PTPN18: variants seen among roughly 807,000 people sequenced by gnomAD.
PTPN18 encodes protein tyrosine phosphatase non-receptor type 18.
A neutral mutation model predicts 65.4 loss-of-function variants in PTPN18; 65 were observed. The observed-to-expected ratio is 0.99, with a 90% CI of 0.81 to 1.22. The LOEUF (loss-of-function observed/expected upper bound fraction) is 1.22, where lower values mean the gene tolerates loss of function less well. PTPN18 is among the 50% of genes most tolerant of loss of function. PTPN18 has a pLI of 0.00. For missense variants in PTPN18, 616 were observed against 646.5 expected, an observed-to-expected ratio of 0.95 and a Z score of 0.51; for synonymous variants, 255 against 267.8, an observed-to-expected ratio of 0.95 and a Z score of 0.47.
intron 5 of PTPN18, among the ~76,000 whole-genome samples, chr2:130,368,593 G>T (rs1371347212): frequency 6.6e-6 from 1 of 152,152 alleles, no homozygotes; most frequent in East Asian, 1.9e-4. Context: ...GTTTCATGTT[G>T]TATATATTCA....
intron 5 of PTPN18, among the ~76,000 whole-genome samples, chr2:130,365,061 G>GTGTA (rs1325635313): frequency 1.3e-5 from 2 of 152,172 alleles, no homozygotes; most frequent in African/African-American, 4.8e-5. Context: ...AAACATCATA[G>GTGTA]AGTATACTTA....
At chr2:130,361,522 CT>C (rs756429074) in intron 5 of PTPN18, among the ~76,000 whole-genome samples, 1 of 110,396 alleles carries the variant, frequency 9.1e-6, no homozygotes, top group East Asian at 3.0e-4. Context: ...CTCTTTCTTT[CT>C]TTCTTTCTTT....
chr2:130,372,633 G>C (rs1231284928), intron 13 of PTPN18, 150 bp downstream of exon 13: 1 of 1,128,334 alleles, frequency 8.9e-7, no homozygotes, highest in Non-Finnish European at 1.2e-6. Flanking sequence ...AGGCGTCCCT[G>C]GCCACGCCCC....
At position 130,373,282 on chromosome 2, in the gene PTPN18, T is replaced by C; in HGVS notation, c.*58T>C. 6.9e-7 allele frequency: 1 copy of C among 1,452,072 alleles called. No individual in the cohort carries two copies. Among genetic ancestry groups the C allele is most frequent in the Non-Finnish European group, 9.3e-7 (1 of 1,079,284 alleles). 89.9% of individuals were successfully genotyped at this position (1,452,072 alleles called of 1,614,324 possible). On this transcript the variant is annotated 3_prime_UTR_variant, in exon 15 of 15. Coordinates refer to ENST00000175756, the MANE Select transcript of PTPN18 (RefSeq NM_014369.4). This position sits in a 1 kb window ranked among gnomAD's most constrained non-coding sequence, Gnocchi z 4.1. ...TGAGCTCGGACTGCTGATGCCCCGGTGCTGCTGAGCGCCGTGCGCAGAATG... is the reference window on the plus strand; with the variant it reads ...TGAGCTCGGACTGCTGATGCCCCGGCGCTGCTGAGCGCCGTGCGCAGAATG...
rs541806470 is a variant in PTPN18, at chr2:130,356,075, C to T, written c.-33C>T. The T allele has an allele frequency of 3.8e-5, 46 of 1,214,188 alleles. No homozygotes were observed. The highest frequency in any genetic ancestry group is 1.7e-4 in the African/African-American group (11 of 63,354). 75.2% of individuals were successfully genotyped at this position (1,214,188 alleles called of 1,614,324 possible). On this transcript the variant is annotated 5_prime_UTR_variant, in exon 1 of 15. Coordinates refer to ENST00000175756, the MANE Select transcript of PTPN18 (RefSeq NM_014369.4). Reference sequence around the variant, plus strand: ...GCGTCCACACTCGCCGCGCGCGCGGCGGCCGGGCTGGACCTTGCTGGCCCG... The same window carrying T: ...GCGTCCACACTCGCCGCGCGCGCGGTGGCCGGGCTGGACCTTGCTGGCCCG...
intron 8 of PTPN18, 101 bp downstream of exon 8, chr2:130,370,291 T>C: frequency 6.6e-7 from 1 of 1,526,376 alleles, no homozygotes; most frequent in Non-Finnish European, 8.9e-7. Flanking sequence ...GAGTGCCTAT[T>C]TTGAGAACCC....
rs552883312 is a variant in PTPN18, at chr2:130,374,975, A to C, written c.*1751A>C. The C allele has an allele frequency of 1.9e-5, 5 of 266,644 alleles. No individual in the cohort carries two copies. Among genetic ancestry groups the C allele is most frequent in the African/African-American group, 1.1e-4 (5 of 45,350 alleles). 16.5% of individuals were successfully genotyped at this position (266,644 alleles called of 1,614,324 possible). A position where few individuals can be genotyped will look rare whatever the true frequency, so the allele number is the denominator to read the frequency against. ...AGGAGGCTTGGGTTTGGGTGCCCAC[A>C]GTGGGAGCTGGTGTGATATCATACC... On this transcript the variant is annotated 3_prime_UTR_variant, in exon 15 of 15. Coordinates refer to ENST00000175756, the MANE Select transcript of PTPN18 (RefSeq NM_014369.4).
intron 11 of PTPN18, 62 bp downstream of exon 11, chr2:130,371,026 G>C: frequency 6.4e-7 from 1 of 1,553,382 alleles, no homozygotes; most frequent in Non-Finnish European, 8.8e-7. Context: ...CCAGGACCCC[G>C]AGCAGGGTCC....
In PTPN18 at chr2:130,374,374, C is replaced by G; in HGVS notation, c.*1150C>G. ...TAAGAAATGAGTTTTTGCCATGTTG[C>G]CCAGACTGGTCTTGAACTCCCAACC... On this transcript the variant is annotated 3_prime_UTR_variant, in exon 15 of 15. Transcript: ENST00000175756. 1 of 263,712 alleles carries G rather than the reference C, an allele frequency of 3.8e-6. No homozygotes were observed. The highest frequency in any genetic ancestry group is 2.2e-5 in the African/African-American group (1 of 45,124). 16.3% of individuals were successfully genotyped at this position (263,712 alleles called of 1,614,324 possible).
rs1488385906 is a variant in PTPN18, at chr2:130,359,403, G to A, written c.286G>A (p.Asp96Asn). ...TGAATTCGGCCTTCACCAGGGCGTG[G>A]ATGGAAGCCTGGCCTACATTGCCAC... ...YINGNFIRGVDGSLAYIATQG... is the reference protein window; with the variant it reads ...YINGNFIRGVNGSLAYIATQG... The change falls in exon 4 of 15, where the codon GAT becomes AAT. Residue 96 changes from aspartate to asparagine, a missense_variant. Physicochemically the swap from Asp to Asn is conservative, Grantham distance 23. Coordinates refer to ENST00000175756, the MANE Select transcript of PTPN18 (RefSeq NM_014369.4). 6.2e-7 allele frequency: 1 copy of A among 1,614,062 alleles called. No individual in the cohort carries two copies. Among genetic ancestry groups the A allele is most frequent in the Non-Finnish European group, 8.5e-7 (1 of 1,180,032 alleles).
At chr2:130,369,055 T>C (rs1680470428) in intron 5 of PTPN18, 78 bp from the exon 6 acceptor site, 2 of 1,270,468 alleles carry the variant, frequency 1.6e-6, no homozygotes, top group African/African-American at 1.5e-5. Flanking sequence ...ACCTGGGGTG[T>C]CTTGTGGCAT....
rs78662239 is a variant in PTPN18 at position 130,362,207 on chromosome 2, C to T, written c.414+2561C>T. 775 of 466,516 alleles carry T rather than the reference C, an allele frequency of 1.7e-3. 8 individuals carry two copies. The highest frequency in any genetic ancestry group is 0.014 in the African/African-American group (700 of 49,900). The allele number at this position is 466,516 out of a possible 1,614,324, so 28.9% of individuals were successfully genotyped here. A position where few individuals can be genotyped will look rare whatever the true frequency, so the allele number is the denominator to read the frequency against. On this transcript the variant is annotated intron_variant, in intron 5 of 14. Coordinates refer to ENST00000175756, the MANE Select transcript of PTPN18 (RefSeq NM_014369.4). ...CTGGTCTCGAACTCCTGGCCTCAAG[C>T]TGTCCTTCCACCTCGGCCTCCCAAA...
At chr2:130,372,682 C>A in intron 13 of PTPN18, 191 bp from the exon 14 acceptor site, 1 of 964,768 alleles carries the variant, frequency 1.0e-6, no homozygotes, top group Non-Finnish European at 1.5e-6. Context: ...GGTCCAGGGG[C>A]AGGGTTCCTG....
At chr2:130,369,266 G>A (rs1680477746) in intron 6 of PTPN18, 65 bp downstream of exon 6, 2 of 1,466,246 alleles carry the variant, frequency 1.4e-6, no homozygotes, top group Admixed American at 1.8e-5. Flanking sequence ...GGCCTAAAAG[G>A]TTGAATGATT....
chr2:130,358,505 C>G (rs1228937687), intron 1 of PTPN18, among the ~76,000 whole-genome samples: 1 of 152,014 alleles, frequency 6.6e-6, no homozygotes, highest in Non-Finnish European at 1.5e-5. Flanking sequence ...GGGTGGGTGC[C>G]GAGAGGGTCT....
Position 130,372,010 on chromosome 2 carries a change from A to G in PTPN18, c.1014-247A>G, listed in dbSNP as rs1001332761. ...TTCAGTAGACGTTGACACAGAAATG[A>G]CCACCCCTCAAACCAACACTCTGCC... On this transcript the variant is annotated intron_variant, in intron 12 of 14. Coordinates refer to ENST00000175756, the MANE Select transcript of PTPN18 (RefSeq NM_014369.4). The G allele has an allele frequency of 2.3e-5, 11 of 484,792 alleles. No individual in the cohort carries two copies. In the East Asian group the frequency reaches 3.7e-4, roughly 16 times the overall value. The allele number at this position is 484,792 out of a possible 1,614,324, so 30.0% of individuals were successfully genotyped here.
intron 5 of PTPN18, among the ~76,000 whole-genome samples, chr2:130,361,883 C>T (rs1358720025): frequency 6.6e-6 from 1 of 151,446 alleles, no homozygotes; most frequent in Non-Finnish European, 1.5e-5. Flanking sequence ...CCACCGCCCT[C>T]GGCCTTAAAT....
chr2:130,373,168 C>T lies in PTPN18; in HGVS notation c.1327C>T (p.Arg443Cys), dbSNP rs768555515. The change falls in exon 15 of 15, where the codon CGC (arginine) becomes TGC (cysteine). Residue 443 changes from arginine to cysteine, a missense_variant. This residue lies in a region of PTPN18 where 368 missense variants were observed against 386.7 expected (regional missense o/e 0.95). Coordinates refer to ENST00000175756, the MANE Select transcript of PTPN18 (RefSeq NM_014369.4). The surrounding 1 kb of genome is among the most constrained non-coding windows in gnomAD (Gnocchi z 4.1). ...CCTTCTTCTCCCAGGTTTCAACCTG[C>T]GCATTGGGAGGCCGAAGGGTCCCCG... ...AQTGGLGFNL[R>C]IGRPKGPRDP... 34 of 1,598,418 alleles carry T rather than the reference C, an allele frequency of 2.1e-5. No individual in the cohort carries two copies. The highest frequency in any genetic ancestry group is 2.8e-5 in the Non-Finnish European group (33 of 1,172,218).
At position 130,373,161 on chromosome 2, in the gene PTPN18, C is replaced by G; in HGVS notation, c.1320C>G (p.Phe440Leu). ...ACGGCACCCTTCTTCTCCCAGGTTT[C>G]AACCTGCGCATTGGGAGGCCGAAGG... ...AGGAQTGGLG[F>L]NLRIGRPKGP... Residue 440 changes from phenylalanine to leucine, a missense_variant, in exon 15 of 15, where the codon TTC (phenylalanine) becomes TTG (leucine). By Grantham distance (22) the Phe-to-Leu change is conservative. Around this residue, in one of 3 missense-constraint regions of PTPN18, gnomAD observed 368 missense variants for 386.7 expected, o/e 0.95. Coordinates refer to ENST00000175756, the MANE Select transcript of PTPN18 (RefSeq NM_014369.4). This position sits in a 1 kb window ranked among gnomAD's most constrained non-coding sequence, Gnocchi z 4.1. 4 of 1,592,118 alleles carry G rather than the reference C, an allele frequency of 2.5e-6. No individual in the cohort carries two copies. Among genetic ancestry groups the G allele is most frequent in the Non-Finnish European group, 3.4e-6 (4 of 1,168,596 alleles).
Sources: allele counts gnomAD v4.1 joint callset (sites outside exome capture counted in the v4.1 genomes callset), GRCh38; gene constraint gnomAD v4.1.1; regional missense constraint gnomAD v4.1.1; non-coding constraint Gnocchi (gnomAD v3.1); transcripts MANE v1.5; gene names NCBI Gene and HGNC (gene_info 2026-07-23, HGNC 2026-07-21).